Variants in PTPRM observed in about 807,000 individuals in gnomAD.
PTPRM encodes the protein protein tyrosine phosphatase receptor type M, also known as receptor-type tyrosine-protein phosphatase mu.
A neutral mutation model predicts 186.7 loss-of-function variants in PTPRM; 47 were observed. The observed-to-expected ratio is 0.25, with a 90% CI of 0.20 to 0.32. PTPRM has a LOEUF of 0.32. PTPRM is among the 10% of genes least tolerant of loss of function. PTPRM has a pLI of 1.00. For synonymous variants in PTPRM, 668 were observed against 674.9 expected (o/e 0.99, Z 0.16); for missense variants, 1,494 against 1,865.0 (o/e 0.80, Z 3.66).
intron 1 of PTPRM, among the ~76,000 whole-genome samples, chr18:7,625,537 G>A (rs1232680054): frequency 7.8e-6 from 1 of 128,856 alleles, no homozygotes; most frequent in Non-Finnish European, 1.7e-5. Context: ...GGGAGTTTGA[G>A]AGGTTCTTTT....
intron 7 of PTPRM, among the ~76,000 whole-genome samples, chr18:8,000,505 G>C: frequency 6.6e-6 from 1 of 152,144 alleles, no homozygotes; most frequent in East Asian, 1.9e-4. Context: ...TCACTTGGGG[G>C]CCCAGCTTCA....
intron 4 of PTPRM, among the ~76,000 whole-genome samples, chr18:7,917,085 A>G (rs900949310): frequency 1.3e-5 from 2 of 152,132 alleles, no homozygotes; most frequent in African/African-American, 2.4e-5. Flanking sequence ...TATGTACTCT[A>G]GGCACATCCA....
At chr18:7,626,744 G>A (rs1311195014) in intron 1 of PTPRM, among the ~76,000 whole-genome samples, 1 of 152,166 alleles carries the variant, frequency 6.6e-6, no homozygotes, top group Non-Finnish European at 1.5e-5. Flanking sequence ...CCAGGCTGGA[G>A]TGCAGTGGTG....
chr18:7,729,526 C>T (rs1400426703), intron 1 of PTPRM, among the ~76,000 whole-genome samples: 1 of 147,970 alleles, frequency 6.8e-6, no homozygotes, highest in Non-Finnish European at 1.5e-5. Context: ...TATAATAAGG[C>T]TGAAAAAAAA....
chr18:7,586,185 A>T (rs1387372028), intron 1 of PTPRM, among the ~76,000 whole-genome samples: 1 of 152,158 alleles, frequency 6.6e-6, no homozygotes, highest in Admixed American at 6.5e-5. Context: ...TTCTTTGTCT[A>T]CATCAGACAG....
At chr18:7,908,069 G>A in intron 4 of PTPRM, among the ~76,000 whole-genome samples, 1 of 152,128 alleles carries the variant, frequency 6.6e-6, no homozygotes, top group Non-Finnish European at 1.5e-5. Context: ...GCAGTGTTGA[G>A]AGCCTCAGTG....
At chr18:7,887,533 G>A (rs1441002) in intron 2 of PTPRM, among the ~76,000 whole-genome samples, 65,549 of 151,998 alleles carry the variant, frequency 0.43, 17,574 homozygotes, top group African/African-American at 0.75. Context: ...AACAGATGGG[G>A]CCAATATCAT....
intron 7 of PTPRM, among the ~76,000 whole-genome samples, chr18:7,962,853 A>G (rs943239266): frequency 1.3e-5 from 2 of 152,258 alleles, no homozygotes; most frequent in Admixed American, 1.3e-4. Context: ...TGGCATTGCA[A>G]TAAGTATCTG....
intron 29 of PTPRM, among the ~76,000 whole-genome samples, chr18:8,381,243 A>G (rs2095733224): frequency 6.6e-6 from 1 of 152,042 alleles, no homozygotes; most frequent in Admixed American, 6.6e-5. Flanking sequence ...TATACCAATC[A>G]TAGACAACCA....
At chr18:8,298,009 C>T (rs1808449042) in intron 20 of PTPRM, among the ~76,000 whole-genome samples, 1 of 152,140 alleles carries the variant, frequency 6.6e-6, no homozygotes, top group African/African-American at 2.4e-5. Flanking sequence ...ACACTGAGGA[C>T]GCAAAGGCCA....
At position 8,099,301 on chromosome 18, in the gene PTPRM, G is replaced by C. The variant is rs911537013; in HGVS notation, c.1856+10450G>C. The stretch of plus-strand genomic sequence containing the variant: ...GAGCTCAGCCCTAGATTCATTCACT[G>C]CACTGGCTGGTGACCGCTTGTCCTG... On this transcript the variant is annotated intron_variant, in intron 11 of 32. Transcript: ENST00000580170. Among the ~76,000 whole-genome samples the C allele has an allele frequency of 1.9e-4, 29 of 152,094 alleles. 1 individual carries two copies. The highest frequency in any genetic ancestry group is 5.2e-4 in the Admixed American group (8 of 15,266).
chr18:8,218,981 C>T (rs1224776507), intron 14 of PTPRM, among the ~76,000 whole-genome samples: 1 of 152,136 alleles, frequency 6.6e-6, no homozygotes, highest in Non-Finnish European at 1.5e-5. Context: ...TGGAGGGAAA[C>T]TGATGGAGCT....
chr18:7,642,625 T>A (rs2038469934), intron 1 of PTPRM, among the ~76,000 whole-genome samples: 1 of 152,278 alleles, frequency 6.6e-6, no homozygotes, highest in Admixed American at 6.5e-5. Context: ...ATTTTCTTTT[T>A]GTTATTCCTC....
chr18:7,769,655 T>C (rs1286113231), intron 1 of PTPRM, among the ~76,000 whole-genome samples: 5 of 152,320 alleles, frequency 3.3e-5, no homozygotes, highest in Middle Eastern at 3.4e-3. Context: ...TTTTAACTTA[T>C]ACTTTTAACA....
intron 13 of PTPRM, among the ~76,000 whole-genome samples, chr18:8,125,699 A>G (rs1034263602): frequency 2.0e-5 from 3 of 151,848 alleles, no homozygotes; most frequent in East Asian, 2.0e-4. Flanking sequence ...GGTTCTGTCT[A>G]CCTCAGAAAT....
intron 14 of PTPRM, among the ~76,000 whole-genome samples, chr18:8,195,422 T>C (rs1195894393): frequency 2.6e-5 from 4 of 152,104 alleles, no homozygotes; most frequent in Non-Finnish European, 5.9e-5. Context: ...TATAAAATCC[T>C]ATTACTAGTT....
intron 22 of PTPRM, among the ~76,000 whole-genome samples, chr18:8,319,700 T>G (rs894864376): frequency 1.3e-5 from 2 of 152,058 alleles, no homozygotes; most frequent in African/African-American, 4.8e-5. Flanking sequence ...GATAAAACAT[T>G]AGGGATATTT....
At chr18:7,600,047 C>T (rs923447272) in intron 1 of PTPRM, among the ~76,000 whole-genome samples, 4 of 152,140 alleles carry the variant, frequency 2.6e-5, no homozygotes, top group Admixed American at 2.6e-4. Context: ...AATGCTTGAC[C>T]CTGCTTTCTT....
intron 7 of PTPRM, among the ~76,000 whole-genome samples, chr18:8,024,969 A>G (rs1320897369): frequency 6.6e-6 from 1 of 151,960 alleles, no homozygotes; most frequent in Non-Finnish European, 1.5e-5. Flanking sequence ...TGGCCTCCCA[A>G]AGTGCTGGGA....
Sources: allele counts gnomAD v4.1 joint callset (sites outside exome capture counted in the v4.1 genomes callset), GRCh38; gene constraint gnomAD v4.1.1; transcripts MANE v1.5; gene names NCBI Gene and HGNC (gene_info 2026-07-23, HGNC 2026-07-21).